Variants in KHDRBS2 observed in about 807,000 individuals in gnomAD.
KHDRBS2 encodes the protein KH RNA binding domain containing, signal transduction associated 2, also known as KH domain-containing, RNA-binding, signal transduction-associated protein 2.
A neutral mutation model predicts 44.3 loss-of-function variants in KHDRBS2; 26 were observed. That is an observed-to-expected ratio of 0.59 (90% CI 0.43 to 0.81). KHDRBS2 has a LOEUF of 0.81. KHDRBS2 is among the 40% of genes least tolerant of loss of function. KHDRBS2 has a pLI of 0.00. For synonymous variants in KHDRBS2, 194 were observed against 151.1 expected (o/e 1.28, Z -2.08); for missense variants, 476 against 433.1 (o/e 1.10, Z -0.88).
At position 61,938,697 on chromosome 6, in the gene KHDRBS2, C is replaced by A. The variant is rs76398181; in HGVS notation, c.484-37326G>T. On this transcript the variant is annotated intron_variant, in intron 4 of 8. Coordinates refer to ENST00000281156, the MANE Select transcript of KHDRBS2 (RefSeq NM_152688.4). ...AGGGGAGTGGAAAACAAAGGAAAACCAACAGAGGCAGTTTAATGTATTTAC... is the reference window on the plus strand; with the variant it reads ...AGGGGAGTGGAAAACAAAGGAAAACAAACAGAGGCAGTTTAATGTATTTAC... Among the ~76,000 whole-genome samples the A allele has an allele frequency of 6.1e-3, 928 of 152,106 alleles. 6 individuals are homozygous for A. Among genetic ancestry groups the A allele is most frequent in the Non-Finnish European group, 8.9e-3 (606 of 67,972 alleles).
chr6:61,675,112 G>A (rs903668036), downstream of KHDRBS2, among the ~76,000 whole-genome samples: 2 of 151,690 alleles, frequency 1.3e-5, no homozygotes, highest in Admixed American at 1.3e-4. Context: ...TCACCCTACT[G>A]ATCTATCAAA....
chr6:61,894,566 G>T, intron 6 of KHDRBS2, 69 bp downstream of exon 6: 1 of 1,278,402 alleles, frequency 7.8e-7, no homozygotes, highest in Non-Finnish European at 1.1e-6. Flanking sequence ...TATATGAACA[G>T]TTTGAGACGT....
rs369326330 is a variant in KHDRBS2, at chr6:61,967,932, GTATATA to G, written c.483+10128_483+10133del. On this transcript the variant is annotated intron_variant, in intron 4 of 8. Coordinates refer to ENST00000281156, the MANE Select transcript of KHDRBS2 (RefSeq NM_152688.4). ...TATATATACACATGCATACACACAC[GTATATA>G]TATATATATATATATATATACACAC... 1.3e-3 allele frequency among the ~76,000 whole-genome samples: 157 copies of G among 117,014 alleles called. 1 individual carries two copies. The highest frequency in any genetic ancestry group is 9.7e-3 in the Middle Eastern group (2 of 206). 76.8% of individuals were successfully genotyped at this position (117,014 alleles called of 152,430 possible). A position where few individuals can be genotyped will look rare whatever the true frequency, so the allele number is the denominator to read the frequency against.
intron 3 of KHDRBS2, among the ~76,000 whole-genome samples, chr6:62,007,252 T>C (rs1379888253): frequency 6.6e-6 from 1 of 152,086 alleles, no homozygotes; most frequent in Admixed American, 6.5e-5. Context: ...GCTTAACCTT[T>C]ATTACTTTTC....
chr6:61,746,733 T>C (rs1201715422), intron 6 of KHDRBS2, among the ~76,000 whole-genome samples: 7 of 152,160 alleles, frequency 4.6e-5, no homozygotes, highest in African/African-American at 1.7e-4. Context: ...TTACTCAAGA[T>C]GGATTAAATA....
intron 4 of KHDRBS2, among the ~76,000 whole-genome samples, chr6:61,962,647 A>G (rs1347138239): frequency 6.6e-6 from 1 of 152,114 alleles, no homozygotes; most frequent in Non-Finnish European, 1.5e-5. Flanking sequence ...CTTACAATCA[A>G]TAAATTAGGA....
intron 2 of KHDRBS2, among the ~76,000 whole-genome samples, chr6:62,073,176 G>A (rs957201363): frequency 3.3e-5 from 5 of 151,708 alleles, no homozygotes; most frequent in Admixed American, 3.3e-4. Context: ...AAACTCATTA[G>A]TGAAGATATT....
intron 6 of KHDRBS2, among the ~76,000 whole-genome samples, chr6:61,773,640 T>G (rs1442725468): frequency 3.3e-5 from 5 of 149,656 alleles, no homozygotes; most frequent in Non-Finnish European, 4.5e-5. Flanking sequence ...AGAAGCTCTT[T>G]AGTTTAATTA....
chr6:62,158,815 T>A (rs1388718034), intron 2 of KHDRBS2, among the ~76,000 whole-genome samples: 1 of 152,136 alleles, frequency 6.6e-6, no homozygotes, highest in Non-Finnish European at 1.5e-5. Flanking sequence ...ATTTTTTTCA[T>A]ATTCTTGCTT....
At chr6:61,726,611 A>T (rs1332735065) in intron 7 of KHDRBS2, among the ~76,000 whole-genome samples, 1 of 152,156 alleles carries the variant, frequency 6.6e-6, no homozygotes, top group Non-Finnish European at 1.5e-5. Flanking sequence ...AATCGCTAGC[A>T]TTCCTATACA....
chr6:62,227,982 TTTG>T (rs928168382), intron 1 of KHDRBS2, among the ~76,000 whole-genome samples: 5 of 152,324 alleles, frequency 3.3e-5, no homozygotes, highest in Middle Eastern at 3.4e-3. Context: ...CCTGAAATTT[TTTG>T]TTGTTGTTGT....
intron 4 of KHDRBS2, among the ~76,000 whole-genome samples, chr6:61,921,535 T>C (rs1808066563): frequency 6.6e-6 from 1 of 152,026 alleles, no homozygotes; most frequent in Non-Finnish European, 1.5e-5. Flanking sequence ...CTGCTCAGTA[T>C]AGGAAGTAAT....
chr6:62,076,123 A>G (rs1412147678), intron 2 of KHDRBS2, among the ~76,000 whole-genome samples: 2 of 151,966 alleles, frequency 1.3e-5, no homozygotes, highest in Non-Finnish European at 2.9e-5. Flanking sequence ...AACCCCATAT[A>G]TTTCTGTCAG....
the KHDRBS2 span, among the ~76,000 whole-genome samples, chr6:61,550,594 G>T: frequency 2.0e-5 from 3 of 152,016 alleles, no homozygotes; most frequent in Non-Finnish European, 4.4e-5. Context: ...GGGTCAAATG[G>T]TAATTCTGTT....
At chr6:61,921,450 T>C (rs192878452) in intron 4 of KHDRBS2, among the ~76,000 whole-genome samples, 1 of 152,162 alleles carries the variant, frequency 6.6e-6, no homozygotes, top group East Asian at 1.9e-4. Flanking sequence ...GCAAATTATA[T>C]TGGACTCTGG....
intron 6 of KHDRBS2, among the ~76,000 whole-genome samples, chr6:61,817,731 A>T (rs1789210714): frequency 6.6e-6 from 1 of 151,940 alleles, no homozygotes; most frequent in Admixed American, 6.6e-5. Context: ...TCACCCTACT[A>T]ACCTTTACAT....
At chr6:61,581,764 A>G in the KHDRBS2 span, among the ~76,000 whole-genome samples, 1 of 151,380 alleles carries the variant, frequency 6.6e-6, no homozygotes, top group African/African-American at 2.4e-5. Flanking sequence ...ATGGATATAT[A>G]GTATTAAAAT....
At chr6:61,765,934 T>C (rs1187607408) in intron 6 of KHDRBS2, among the ~76,000 whole-genome samples, 1 of 125,880 alleles carries the variant, frequency 7.9e-6, no homozygotes, top group African/African-American at 3.7e-5. Context: ...TATTGGCCTG[T>C]AGTTTTCTTT....
At chr6:61,653,314 T>G in the KHDRBS2 span, among the ~76,000 whole-genome samples, 1 of 152,066 alleles carries the variant, frequency 6.6e-6, no homozygotes, top group Non-Finnish European at 1.5e-5. Context: ...AAGATAAAAC[T>G]TCTGTGGACA....
Sources: gnomAD v4.1 joint callset for allele counts (sites outside exome capture counted in the v4.1 genomes callset) on GRCh38, gnomAD v4.1.1 for gene constraint, MANE v1.5 for transcripts, NCBI Gene and HGNC (gene_info 2026-07-23, HGNC 2026-07-21) for gene names.